The following MIOS variants were observed in gnomAD, a reference collection of about 807,000 sequenced individuals.
MIOS encodes the protein GATOR2 complex protein MIOS.
Under a neutral mutation model 96.9 loss-of-function variants are expected in MIOS, and 52 were observed. That is an observed-to-expected ratio of 0.54 (90% CI 0.43 to 0.68). MIOS has a LOEUF of 0.68. Ranked by LOEUF, MIOS falls within the 30% of genes least tolerant of loss-of-function variation. The pLI is 0.00. For synonymous variants in MIOS, 397 were observed against 359.5 expected (o/e 1.10, Z -1.18); for missense variants, 1,005 against 1,052.8 (o/e 0.95, Z 0.63).
chr7:7,586,155 CGTGTGTGTGTGTGTGTGTGT>C (rs10527974), intron 7 of MIOS, among the ~76,000 whole-genome samples: 2,509 of 150,034 alleles, frequency 0.017, 20 homozygotes, highest in Non-Finnish European at 0.024. Flanking sequence ...CACACATGCA[CGTGTGTGTGTGTGTGTGTGT>C]GTGTGTGTGT....
intron 5 of MIOS, among the ~76,000 whole-genome samples, chr7:7,575,570 T>G (rs1259348969): frequency 6.6e-6 from 1 of 152,162 alleles, no homozygotes; most frequent in African/African-American, 2.4e-5. Flanking sequence ...CCATTGCCTA[T>G]TGCTACAAAG....
At chr7:7,597,510 ATAT>A (rs1784248058) in intron 11 of MIOS, among the ~76,000 whole-genome samples, 1 of 57,646 alleles carries the variant, frequency 1.7e-5, no homozygotes, top group Non-Finnish European at 3.3e-5. Flanking sequence ...ATATATATAT[ATAT>A]ATATGAAGGC....
At chr7:7,586,357 G>C (rs995781701) in intron 7 of MIOS, among the ~76,000 whole-genome samples, 3 of 152,042 alleles carry the variant, frequency 2.0e-5, no homozygotes, top group Non-Finnish European at 4.4e-5. Context: ...TTTCTCTTCT[G>C]TTTTAACCAC....
intron 5 of MIOS, 24 bp downstream of exon 5, chr7:7,574,220 C>G (rs778301366): frequency 3.9e-6 from 6 of 1,525,570 alleles, no homozygotes; most frequent in Non-Finnish European, 5.4e-6. Context: ...ATTTCATTTT[C>G]TCCAATATGT....
chr7:7,593,879 C>CAAAAAAAAAAA (rs35986278), intron 9 of MIOS, among the ~76,000 whole-genome samples: 10 of 47,858 alleles, frequency 2.1e-4, no homozygotes, highest in South Asian at 8.4e-4. Flanking sequence ...ACTCTGTCTC[C>CAAAAAAAAAAA]AAAAAAAAAA....
chr7:7,573,021 A>G lies in MIOS; in HGVS notation c.546A>G (p.Gly182=), dbSNP rs1238917778. 6.2e-7 allele frequency: 1 copy of G among 1,614,062 alleles called. No homozygotes were observed. Among genetic ancestry groups the G allele is most frequent in the East Asian group, 2.2e-5 (1 of 44,886 alleles). The change falls in exon 4 of 13, where the codon GGA becomes GGG. Residue 182 remains glycine, a synonymous_variant. Transcript: ENST00000340080. The surrounding 1 kb of genome is among the most constrained non-coding windows in gnomAD (Gnocchi z 5.0). ...LLVTKPLYEL[G]QNDACLSLCW... ...TAACAAAACCACTTTATGAGTTAGG[A>G]CAGAATGATGCTTGTCTGTCTCTTT...
intron 7 of MIOS, among the ~76,000 whole-genome samples, chr7:7,587,761 C>A (rs559651767): frequency 1.3e-5 from 2 of 152,032 alleles, no homozygotes; most frequent in African/African-American, 4.8e-5. Flanking sequence ...CTGAAGTGAT[C>A]TTACGGTTAA....
In MIOS at chr7:7,574,113, C is replaced by T; in HGVS notation, c.1310C>T (p.Thr437Ile). Residue 437 changes from threonine to isoleucine, a missense_variant, in exon 5 of 13, where the codon ACA (threonine) becomes ATA (isoleucine). Physicochemically the swap from Thr to Ile is moderately conservative, Grantham distance 89. This residue lies in a region of MIOS where 865 missense variants were observed against 887.9 expected (regional missense o/e 0.97). Coordinates refer to ENST00000340080, the MANE Select transcript of MIOS (RefSeq NM_019005.4). ...ATTTAAATACTTATGAAGCAATACA[C>T]AGAAGATATGGATCAGAAATCTCCA... ...WYTLHFMKQY[T>I]EDMDQKSPGN... 6.2e-7 allele frequency: 1 copy of T among 1,608,372 alleles called. No individual in the cohort carries two copies. Among genetic ancestry groups the T allele is most frequent in the Non-Finnish European group, 8.5e-7 (1 of 1,176,260 alleles).
intron 5 of MIOS, among the ~76,000 whole-genome samples, chr7:7,575,934 A>C (rs542895517): frequency 6.6e-6 from 1 of 150,930 alleles, no homozygotes; most frequent in Admixed American, 6.7e-5. Context: ...AAAGGTGAAA[A>C]GTAGAGAAAT....
At chr7:7,599,314 A>G (rs1173407853) in intron 11 of MIOS, among the ~76,000 whole-genome samples, 2 of 152,178 alleles carry the variant, frequency 1.3e-5, no homozygotes, top group Non-Finnish European at 2.9e-5. Flanking sequence ...GGTGCTTTAG[A>G]CTTCCCTCAA....
chr7:7,605,942 G>A lies in MIOS; in HGVS notation c.2402G>A (p.Gly801Glu), dbSNP rs1418221069. ...TGAAGATCATTTTATTTTGTCATAG[G>A]AGGAACCAAATCAGATGAAAAAGTG... ...NMGTPVSSCP[G>E]GTKSDEKVDL... The change falls in exon 12 of 13, where the codon GGA becomes GAA. Residue 801 changes from glycine (G) to glutamate (E), a missense_variant and splice_region_variant. This residue lies in a region of MIOS where 865 missense variants were observed against 887.9 expected (regional missense o/e 0.97). Coordinates refer to ENST00000340080, the MANE Select transcript of MIOS (RefSeq NM_019005.4). 8 of 1,612,820 alleles carry A rather than the reference G, an allele frequency of 5.0e-6. No individual in the cohort carries two copies. In the South Asian group the frequency reaches 7.7e-5, roughly 16 times the overall value.
chr7:7,603,813 A>G (rs1472006070), intron 11 of MIOS, among the ~76,000 whole-genome samples: 7 of 152,130 alleles, frequency 4.6e-5, no homozygotes, highest in African/African-American at 1.7e-4. Context: ...GAACCAAGCC[A>G]GATATCCAAC....
intron 7 of MIOS, among the ~76,000 whole-genome samples, chr7:7,586,215 C>G (rs180969476): frequency 6.6e-6 from 1 of 151,358 alleles, no homozygotes; most frequent in East Asian, 1.9e-4. Context: ...AAACAACTCA[C>G]GATTATTGAT....
intron 11 of MIOS, among the ~76,000 whole-genome samples, chr7:7,600,204 T>TG: frequency 6.6e-6 from 1 of 151,296 alleles, no homozygotes; most frequent in East Asian, 1.9e-4. Flanking sequence ...CAAATTATTT[T>TG]TTTTTGGCAT....
At chr7:7,597,654 G>A (rs1048086956) in intron 11 of MIOS, among the ~76,000 whole-genome samples, 1 of 150,204 alleles carries the variant, frequency 6.7e-6, no homozygotes, top group South Asian at 2.1e-4. Flanking sequence ...TAACAATTTG[G>A]AATATATACA....
chr7:7,573,387 C>T lies in MIOS; in HGVS notation c.912C>T (p.Pro304=), dbSNP rs1783418107. Residue 304 remains proline (P), a synonymous_variant, in exon 4 of 13, where the codon CCC becomes CCT. Coordinates refer to ENST00000340080, the MANE Select transcript of MIOS (RefSeq NM_019005.4). This position sits in a 1 kb window ranked among gnomAD's most constrained non-coding sequence, Gnocchi z 5.0. ...RLYDMQHTPT[P]IGDETEPTII... is the part of the protein sequence containing the mutation. ...ATGATATGCAGCATACACCCACTCC[C>T]ATTGGGGATGAAACTGAACCCACAA... 3 of 1,613,962 alleles carry T rather than the reference C, an allele frequency of 1.9e-6. No homozygotes were observed. The highest frequency in any genetic ancestry group is 2.2e-5 in the South Asian group (2 of 91,082).
Position 7,585,774 on chromosome 7 carries a change from C to G in MIOS, c.1787C>G (p.Thr596Arg). ...TTGTGTGTCATGTTTGCATTTCTGA[C>G]AAGTGAAACAGGATCTTACGATGGA... is the stretch of plus-strand genomic sequence containing the variant. Reference protein sequence around the residue: ...PYLCVMFAFLTSETGSYDGVL... With the variant: ...PYLCVMFAFLRSETGSYDGVL... Residue 596 changes from threonine (T) to arginine (R), a missense_variant, in exon 7 of 13, where the codon ACA becomes AGA. Around this residue, in one of 3 missense-constraint regions of MIOS, gnomAD observed 865 missense variants for 887.9 expected, o/e 0.97. Transcript: ENST00000340080. 1.2e-6 allele frequency: 2 copies of G among 1,611,012 alleles called. No homozygotes were observed. Among genetic ancestry groups the G allele is most frequent in the East Asian group, 2.2e-5 (1 of 44,578 alleles).
rs1428079395 is a variant in MIOS at position 7,574,150 on chromosome 7, A to G, written c.1347A>G (p.Gly449=). The G allele has an allele frequency of 5.6e-6, 9 of 1,611,198 alleles. No individual in the cohort carries two copies. The East Asian group carries it at 1.6e-4, about 28-fold the overall frequency. ...DMDQKSPGNK[G]SLVYAGIKSI... is the part of the protein sequence containing the mutation. ...ATCAGAAATCTCCAGGCAACAAAGG[A>G]TCATTGGTTTATGCAGGAATTAAAT... The change falls in exon 5 of 13, where the codon GGA becomes GGG. Residue 449 remains glycine, a synonymous_variant. Coordinates refer to ENST00000340080, the MANE Select transcript of MIOS (RefSeq NM_019005.4).
intron 7 of MIOS, 58 bp from the exon 8 acceptor site, chr7:7,588,440 C>G (rs1257410397): frequency 1.2e-5 from 13 of 1,094,682 alleles, no homozygotes; most frequent in African/African-American, 1.6e-5. Context: ...TCAGTCTCTG[C>G]AAAAATTTAA....
Sources: allele counts gnomAD v4.1 joint callset (sites outside exome capture counted in the v4.1 genomes callset), GRCh38; gene constraint gnomAD v4.1.1; regional missense constraint gnomAD v4.1.1; non-coding constraint Gnocchi (gnomAD v3.1); transcripts MANE v1.5; gene names NCBI Gene and HGNC (gene_info 2026-07-23, HGNC 2026-07-21).